TMEM161B: variants seen among roughly 807,000 people sequenced by gnomAD.
TMEM161B encodes the protein transmembrane protein 161B.
Under a neutral mutation model 61.8 loss-of-function variants are expected in TMEM161B, and 34 were observed. That is an observed-to-expected ratio of 0.55 (90% CI 0.42 to 0.73). TMEM161B has a LOEUF of 0.73. Ranked by LOEUF, TMEM161B falls within the 30% of genes least tolerant of loss-of-function variation. The pLI is 0.00. For synonymous variants in TMEM161B, 167 were observed against 192.8 expected, an observed-to-expected ratio of 0.87 and a Z score of 1.11; for missense variants, 456 against 558.5, an observed-to-expected ratio of 0.82 and a Z score of 1.85.
intron 2 of TMEM161B, among the ~76,000 whole-genome samples, chr5:88,229,557 T>C (rs1403332492): frequency 6.6e-6 from 1 of 150,992 alleles, no homozygotes; most frequent in East Asian, 1.9e-4. Flanking sequence ...ACAAATCTTA[T>C]CAAGACCCAT....
At position 88,197,659 on chromosome 5, in the gene TMEM161B, G is replaced by A. The variant is rs762822604; in HGVS notation, c.1186+10C>T. 3 of 1,606,956 alleles carry A rather than the reference G, an allele frequency of 1.9e-6. No homozygotes were observed. The highest frequency in any genetic ancestry group is 1.7e-6 in the Non-Finnish European group (2 of 1,175,922). On this transcript the variant is annotated intron_variant, in intron 11 of 11. Coordinates refer to ENST00000296595, the MANE Select transcript of TMEM161B (RefSeq NM_153354.5). ...TAAAAGATGCTTCCTAGTTGCCAGGGCATGCCTACCTAGTGTTTTCAAAAG... is the reference window on the plus strand; with the variant it reads ...TAAAAGATGCTTCCTAGTTGCCAGGACATGCCTACCTAGTGTTTTCAAAAG...
chr5:88,265,137 T>C lies in TMEM161B; in HGVS notation c.3+3584A>G, dbSNP rs553219051. 9.8e-5 allele frequency among the ~76,000 whole-genome samples: 15 copies of C among 152,308 alleles called. No individual in the cohort carries two copies. The South Asian group carries it at 2.9e-3, about 29-fold the overall frequency. On this transcript the variant is annotated intron_variant, in intron 1 of 11. Transcript: ENST00000296595. ...ATTTAAAAATACAATTCTAAAACTT[T>C]ATGCTACCCCAAATTATCAGCGCAG...
At chr5:88,232,494 A>G (rs1751167722) in intron 2 of TMEM161B, among the ~76,000 whole-genome samples, 1 of 152,224 alleles carries the variant, frequency 6.6e-6, no homozygotes, top group African/African-American at 2.4e-5. Context: ...AGAAATAATA[A>G]TTAGTGAAAG....
chr5:88,248,368 G>A (rs1417880448), intron 1 of TMEM161B, among the ~76,000 whole-genome samples: 10 of 151,890 alleles, frequency 6.6e-5, no homozygotes, highest in African/African-American at 1.9e-4. Flanking sequence ...TATCCCCTAC[G>A]TAACTGCCAT....
chr5:88,223,415 A>C (rs1749377775), intron 4 of TMEM161B, among the ~76,000 whole-genome samples: 1 of 152,202 alleles, frequency 6.6e-6, no homozygotes, highest in South Asian at 2.1e-4. Context: ...ATCAGGAAGA[A>C]TGTTTATATA....
intron 2 of TMEM161B, 99 bp downstream of exon 2, chr5:88,240,714 C>T (rs1752587535): frequency 1.0e-6 from 1 of 980,300 alleles, no homozygotes; most frequent in African/African-American, 1.7e-5. Context: ...CTTATGACTT[C>T]CTTTTGTTAA....
At chr5:88,202,768 CA>C (rs764895651) in intron 9 of TMEM161B, 193 bp downstream of exon 9, 29 of 596,368 alleles carry the variant, frequency 4.9e-5, no homozygotes, top group Non-Finnish European at 8.6e-5. Flanking sequence ...TAATCATTAA[CA>C]TTAACTAATA....
In TMEM161B at chr5:88,195,054, T is replaced by C. The variant is rs1193551889; in HGVS notation, c.*1157A>G. ...AAACAAGTCCTATTTAACAAAGGCA[T>C]ACATGATACCTGTAGACCTGATTTG... On this transcript the variant is annotated 3_prime_UTR_variant, in exon 12 of 12. Transcript: ENST00000296595. 7.2e-6 allele frequency: 5 copies of C among 695,262 alleles called. No individual in the cohort carries two copies. The highest frequency in any genetic ancestry group is 1.3e-4 in the East Asian group (1 of 7,470). The allele number at this position is 695,262 out of a possible 1,614,324, so 43.1% of individuals were successfully genotyped here.
chr5:88,262,571 G>A (rs995099988), intron 1 of TMEM161B, among the ~76,000 whole-genome samples: 2 of 152,148 alleles, frequency 1.3e-5, no homozygotes, highest in East Asian at 3.8e-4. Flanking sequence ...ACCCTATAAA[G>A]AAATGGACTA....
At chr5:88,265,997 G>A (rs1756326224) in intron 1 of TMEM161B, among the ~76,000 whole-genome samples, 1 of 152,192 alleles carries the variant, frequency 6.6e-6, no homozygotes, top group Non-Finnish European at 1.5e-5. Context: ...TTTTCAAAAA[G>A]GAAAGTGCAA....
chr5:88,203,965 T>A (rs574311597), intron 8 of TMEM161B, among the ~76,000 whole-genome samples: 66 of 151,732 alleles, frequency 4.3e-4, no homozygotes, highest in Non-Finnish European at 8.1e-4. Context: ...ACGCAAATTC[T>A]TCACCCATTT....
chr5:88,188,786 T>C (rs1480860502), downstream of TMEM161B, among the ~76,000 whole-genome samples: 2 of 152,202 alleles, frequency 1.3e-5, no homozygotes, highest in African/African-American at 4.8e-5. Context: ...GGGTTCCATG[T>C]GAAAGGGTCT....
chr5:88,197,883 C>A, intron 10 of TMEM161B, 118 bp from the exon 11 acceptor site: 2 of 811,464 alleles, frequency 2.5e-6, no homozygotes, highest in South Asian at 2.3e-5. Context: ...AAGAAGGAAG[C>A]TAAATGTCAG....
chr5:88,263,237 G>T (rs966867818), intron 1 of TMEM161B, among the ~76,000 whole-genome samples: 5 of 152,076 alleles, frequency 3.3e-5, no homozygotes, highest in African/African-American at 1.2e-4. Context: ...ATCTAAAACA[G>T]GCATTTTCTA....
At chr5:88,232,636 C>T (rs1751191586) in intron 2 of TMEM161B, among the ~76,000 whole-genome samples, 1 of 152,122 alleles carries the variant, frequency 6.6e-6, no homozygotes, top group African/African-American at 2.4e-5. Flanking sequence ...TGCGGTAGCA[C>T]GATCTTGGCT....
At chr5:88,207,835 T>C (rs1430962626) in intron 5 of TMEM161B, among the ~76,000 whole-genome samples, 1 of 152,112 alleles carries the variant, frequency 6.6e-6, no homozygotes, top group East Asian at 1.9e-4. Flanking sequence ...ACCAAATTGT[T>C]CTCCTTGAAA....
At chr5:88,220,161 C>G (rs1470827613) in intron 5 of TMEM161B, among the ~76,000 whole-genome samples, 1 of 151,510 alleles carries the variant, frequency 6.6e-6, no homozygotes, top group Non-Finnish European at 1.5e-5. Flanking sequence ...GTAAAAGTGA[C>G]TATAAATTTA....
intron 2 of TMEM161B, among the ~76,000 whole-genome samples, chr5:88,233,313 A>C (rs2112610672): frequency 6.6e-6 from 1 of 152,322 alleles, no homozygotes; most frequent in South Asian, 2.1e-4. Flanking sequence ...GTGAGGAAAA[A>C]CTTCTCTGAG....
intron 1 of TMEM161B, 97 bp from the exon 2 acceptor site, chr5:88,241,013 GA>G: frequency 1.3e-6 from 1 of 781,696 alleles, no homozygotes; most frequent in Non-Finnish European, 1.9e-6. Context: ...TACATTTTAA[GA>G]AAAATGAGTT....
Sources: allele counts gnomAD v4.1 joint callset (sites outside exome capture counted in the v4.1 genomes callset), GRCh38; gene constraint gnomAD v4.1.1; transcripts MANE v1.5; gene names NCBI Gene and HGNC (gene_info 2026-07-23, HGNC 2026-07-21).